ZNF185: variants seen among roughly 807,000 people sequenced by gnomAD.
The protein encoded by ZNF185 is zinc finger protein 185.
A neutral mutation model predicts 58.6 loss-of-function variants in ZNF185; 56 were observed. The observed-to-expected ratio is 0.95, with a 90% CI of 0.77 to 1.19. The LOEUF is 1.19. ZNF185 is among the 50% of genes most tolerant of loss of function. The pLI, the probability that ZNF185 is intolerant of heterozygous loss-of-function variation, is 0.00. For missense variants in ZNF185, 627 were observed against 573.5 expected (o/e 1.09, Z -0.95); for synonymous variants, 230 against 215.9 (o/e 1.07, Z -0.57).
chrX:152,909,874 T>C (rs1299120522), upstream of ZNF185, among the ~76,000 whole-genome samples: 3 of 109,672 alleles, frequency 2.7e-5, no homozygotes, highest in African/African-American at 1.0e-4. Flanking sequence ...CCTCCCATCC[T>C]TCCTAGGCAC....
rs781928473 is a variant in ZNF185, at chrX:152,915,217, C to T, written c.224+14C>T. The stretch of plus-strand genomic sequence containing the variant: ...TCCGAAGCCTAGGTAAGAGGTGGTG[C>T]TCAGGTGGCTGGTGGGTCAGCCCCA... On this transcript the variant is annotated intron_variant, in intron 3 of 22. Coordinates refer to ENST00000449285, the Ensembl canonical transcript of ZNF185. The T allele has an allele frequency of 8.3e-7, 1 of 1,206,655 alleles. No individual in the cohort carries two copies. Among genetic ancestry groups the T allele is most frequent in the South Asian group, 1.8e-5 (1 of 55,972 alleles).
At chrX:152,909,996 C>T (rs1272628709), upstream of ZNF185, among the ~76,000 whole-genome samples, 2 of 108,437 alleles carry the variant, frequency 1.8e-5, no homozygotes, top group Non-Finnish European at 3.8e-5. Context: ...CAACCTCCGC[C>T]TCCCAGGTTC....
chrX:152,944,766 A>G (rs782762619), intron 15 of ZNF185, among the ~76,000 whole-genome samples: 3 of 112,192 alleles, frequency 2.7e-5, no homozygotes, highest in African/African-American at 9.7e-5. Context: ...TGGGAGGCCA[A>G]GGCAGGAGGA....
At chrX:152,939,277 C>T (rs1239880338) in intron 15 of ZNF185, among the ~76,000 whole-genome samples, 6 of 111,779 alleles carry the variant, frequency 5.4e-5, no homozygotes, top group South Asian at 3.7e-4. Flanking sequence ...TTTTCTCATT[C>T]GAATTGCACT....
chrX:152,945,120 G>A (rs782418862), intron 15 of ZNF185, 147 bp from the exon 18 acceptor site: 1 of 600,828 alleles, frequency 1.7e-6, no homozygotes, highest in Non-Finnish European at 2.6e-6. Flanking sequence ...CCCTGGAATT[G>A]GGGCTGTGCC....
chrX:152,920,249 G>A, intron 7 of ZNF185, 79 bp from the exon 9 acceptor site: 2 of 1,063,517 alleles, frequency 1.9e-6, no homozygotes, highest in Non-Finnish European at 2.6e-6. Flanking sequence ...AAGTCACCCC[G>A]AGTCCATCCC....
intron 15 of ZNF185, among the ~76,000 whole-genome samples, chrX:152,938,690 A>C (rs781817176): frequency 9.0e-6 from 1 of 111,136 alleles, no homozygotes; most frequent in South Asian, 3.9e-4. Context: ...CACTGTGTGC[A>C]CAGCCCTCTA....
chrX:152,906,057 C>T, the ZNF185 span, among the ~76,000 whole-genome samples: 1 of 112,327 alleles, frequency 8.9e-6, no homozygotes, highest in Non-Finnish European at 1.9e-5. Context: ...TCATTGCCAC[C>T]CTTATCGAGT....
chrX:152,943,760 C>G (rs1556892172), intron 15 of ZNF185, among the ~76,000 whole-genome samples: 1 of 112,904 alleles, frequency 8.9e-6, no homozygotes, highest in African/African-American at 3.2e-5. Flanking sequence ...GTGAGGGCAA[C>G]CTCTACTAGT....
At position 152,928,525 on chromosome X, in the gene ZNF185, G is replaced by T. The variant is rs1556874464; in HGVS notation, c.831-50G>T. 1.1e-5 allele frequency: 13 copies of T among 1,185,146 alleles called. No homozygotes were observed. In the South Asian group the frequency reaches 2.3e-4, roughly 21 times the overall value. ...CACCGCACTCACCAGCCCAAGAAGG[G>T]GGAGACTTTTCTCACCTGCAACCCA... On this transcript the variant is annotated intron_variant, in intron 11 of 22. Coordinates refer to ENST00000449285, the Ensembl canonical transcript of ZNF185.
At chrX:152,935,835 A>G (rs1220723550) in intron 14 of ZNF185, among the ~76,000 whole-genome samples, 1 of 111,947 alleles carries the variant, frequency 8.9e-6, no homozygotes, top group African/African-American at 3.3e-5. Flanking sequence ...TTGTATAGGC[A>G]GTGATTGTTC....
At chrX:152,959,778 G>A (rs1556908543) in exon 17 of ZNF185, 5 of 1,211,896 alleles carry the variant, frequency 4.1e-6, no homozygotes, top group Non-Finnish European at 5.6e-6. Context: ...AGCCCCAAGA[G>A]GTGGCCAAGG....
chrX:152,946,956 G>C (rs973466825), intron 16 of ZNF185, among the ~76,000 whole-genome samples: 1 of 111,975 alleles, frequency 8.9e-6, no homozygotes. Flanking sequence ...GTCCAAAGAA[G>C]ATCCCTCCAT....
chrX:152,923,619 C>A (rs6653491), intron 11 of ZNF185, among the ~76,000 whole-genome samples: 23,797 of 111,532 alleles, frequency 0.21, 1,953 homozygotes, highest in Non-Finnish European at 0.24. Context: ...TTCCACGGGA[C>A]GGAGCAGGGG....
chrX:152,911,772 C>CCCA (rs1937364392), upstream of ZNF185, among the ~76,000 whole-genome samples: 1 of 69,624 alleles, frequency 1.4e-5, no homozygotes. Context: ...TCCCATCCAT[C>CCCA]TCATCCCATC....
chrX:152,931,194 C>T (rs1941902073), intron 12 of ZNF185, among the ~76,000 whole-genome samples: 1 of 112,253 alleles, frequency 8.9e-6, no homozygotes, highest in Non-Finnish European at 1.9e-5. Context: ...AAAACAACAA[C>T]AACAAAAAAC....
At chrX:152,958,530 C>A (rs1489445282) in intron 16 of ZNF185, among the ~76,000 whole-genome samples, 1 of 110,551 alleles carries the variant, frequency 9.0e-6, no homozygotes, top group Non-Finnish European at 1.9e-5. Context: ...CCGAGGCGGG[C>A]GGATTGCCTG....
intron 21 of ZNF185, 90 bp downstream of exon 23, chrX:152,969,574 G>A (rs954664870): frequency 1.5e-5 from 10 of 684,393 alleles, no homozygotes; most frequent in African/African-American, 1.3e-4. Flanking sequence ...GGAGTCTTAC[G>A]GGTTCAGAGA....
intron 14 of ZNF185, among the ~76,000 whole-genome samples, 190 bp from the exon 17 acceptor site, chrX:152,937,884 G>A (rs2046524543): frequency 8.9e-6 from 1 of 112,671 alleles, no homozygotes; most frequent in Admixed American, 9.3e-5. Context: ...CTAAGGCCAT[G>A]TCCAAAGCTG....
Sources: gnomAD v4.1 joint callset for allele counts (sites outside exome capture counted in the v4.1 genomes callset) on GRCh38, gnomAD v4.1.1 for gene constraint, MANE v1.5 for transcripts, NCBI Gene and HGNC (gene_info 2026-07-23, HGNC 2026-07-21) for gene names.